The following MYH16 variants were observed in gnomAD, a reference collection of about 807,000 sequenced individuals.
The protein encoded by MYH16 is myosin heavy chain 16, also known as putative uncharacterized protein MYH16.
chr7:99,251,353 T>C (rs1407287820), intron 6 of MYH16, among the ~76,000 whole-genome samples: 1 of 152,168 alleles, frequency 6.6e-6, no homozygotes, highest in Non-Finnish European at 1.5e-5. Context: ...AGAATCAAAT[T>C]GGCAACGAGG....
At chr7:99,255,829 G>A (rs1008641974) in intron 9 of MYH16, 5 of 152,232 alleles carry the variant, frequency 3.3e-5, no homozygotes, top group Non-Finnish European at 5.9e-5. Flanking sequence ...GGAGATTTCT[G>A]GGGTTGCGAT....
chr7:99,299,679 GA>G (rs1792558401), intron 37 of MYH16, 21 bp downstream of exon 18: 1 of 153,276 alleles, frequency 6.5e-6, no homozygotes, highest in Non-Finnish European at 1.5e-5. Context: ...GGGAGGAGGA[GA>G]AATGAGATAC....
chr7:99,296,680 G>T, intron 33 of MYH16, 21 bp from the exon 15 acceptor site: 1 of 454,920 alleles, frequency 2.2e-6, no homozygotes, highest in South Asian at 1.6e-5. Flanking sequence ...ACCCCTAGAG[G>T]CCATTTCCAA....
At chr7:99,264,935 GA>G (rs1483461569) in intron 15 of MYH16, among the ~76,000 whole-genome samples, 1 of 152,198 alleles carries the variant, frequency 6.6e-6, no homozygotes, top group African/African-American at 2.4e-5. Flanking sequence ...CTGCAATGAT[GA>G]AACGTTCTCT....
intron 13 of MYH16, among the ~76,000 whole-genome samples, chr7:99,263,087 C>G (rs1361070846): frequency 1.3e-5 from 2 of 152,048 alleles, no homozygotes; most frequent in African/African-American, 2.4e-5. Flanking sequence ...GTTGGCGTAT[C>G]CTAGATGGGC....
intron 6 of MYH16, chr7:99,251,205 T>G (rs1422030644): frequency 4.9e-6 from 1 of 205,554 alleles, no homozygotes; most frequent in Non-Finnish European, 1.0e-5. Context: ...GGGGACCACA[T>G]GAGAGGCCCC....
chr7:99,284,635 A>G (rs1792251662), intron 25 of MYH16, among the ~76,000 whole-genome samples: 2 of 152,150 alleles, frequency 1.3e-5, no homozygotes, highest in South Asian at 4.1e-4. Context: ...TGAATGGATG[A>G]TGAAACACCT....
chr7:99,296,412 C>T (rs1792492983), intron 33 of MYH16, among the ~76,000 whole-genome samples: 2 of 151,666 alleles, frequency 1.3e-5, no homozygotes, highest in South Asian at 4.2e-4. Flanking sequence ...GCCGCTGTGG[C>T]CCAAACTCCT....
downstream of MYH16, among the ~76,000 whole-genome samples, chr7:99,308,544 G>A (rs1291379252): frequency 6.6e-6 from 1 of 152,100 alleles, no homozygotes; most frequent in African/African-American, 2.4e-5. Flanking sequence ...ATGTGATTCT[G>A]GAGGAGTGGA....
At chr7:99,246,677 G>A (rs1791735492) in intron 2 of MYH16, among the ~76,000 whole-genome samples, 1 of 151,936 alleles carries the variant, frequency 6.6e-6, no homozygotes, top group Non-Finnish European at 1.5e-5. Flanking sequence ...ACTCCAGCCT[G>A]AGTGACAGAG....
intron 20 of MYH16, among the ~76,000 whole-genome samples, chr7:99,274,418 T>C (rs1209477070): frequency 6.6e-6 from 1 of 152,124 alleles, no homozygotes; most frequent in Non-Finnish European, 1.5e-5. Context: ...CCCTGAGTCC[T>C]CCATAGCTCA....
chr7:99,304,403 C>T lies in MYH16; in HGVS notation n.5264-183C>T, dbSNP rs149100312. ...ATGAGCTTGGCTCCCCCTCCCCTCTCGGGGGCAAAGGGGAGCATAGAGCAC... is the reference window on the plus strand; with the variant it reads ...ATGAGCTTGGCTCCCCCTCCCCTCTTGGGGGCAAAGGGGAGCATAGAGCAC... On this transcript the variant is annotated intron_variant and non_coding_transcript_variant, in intron 39 of 41. Transcript: ENST00000439784. Among the ~76,000 whole-genome samples the T allele has an allele frequency of 4.1e-3, 628 of 152,290 alleles. 3 individuals carry two copies. The highest frequency in any genetic ancestry group is 0.014 in the African/African-American group (576 of 41,576).
intron 19 of MYH16, 76 bp from the exon 2 acceptor site, chr7:99,273,266 G>A: frequency 2.2e-6 from 1 of 452,044 alleles, no homozygotes; most frequent in East Asian, 7.0e-5. Context: ...CTATTCCCAG[G>A]CCCCACCCCT....
intron 33 of MYH16, among the ~76,000 whole-genome samples, chr7:99,296,073 GAC>G (rs1278764957): frequency 6.7e-6 from 1 of 149,116 alleles, no homozygotes; most frequent in Non-Finnish European, 1.5e-5. Flanking sequence ...GAACCCAGGA[GAC>G]GGAGGTTGCA....
At chr7:99,287,822 G>T in intron 28 of MYH16, 70 bp from the exon 10 acceptor site, 2 of 423,296 alleles carry the variant, frequency 4.7e-6, no homozygotes, top group African/African-American at 4.1e-5. Flanking sequence ...CCACCGAGCA[G>T]CTGGGCGGTG....
At chr7:99,248,105 A>AT (rs1164585928) in intron 3 of MYH16, among the ~76,000 whole-genome samples, 1 of 151,824 alleles carries the variant, frequency 6.6e-6, no homozygotes, top group Non-Finnish European at 1.5e-5. Flanking sequence ...CCTCTATGTG[A>AT]TTTTTTTCTT....
At chr7:99,273,166 C>T (rs1173610037) in intron 19 of MYH16, among the ~76,000 whole-genome samples, 89 bp downstream of exon 1, 2 of 152,190 alleles carry the variant, frequency 1.3e-5, no homozygotes, top group Admixed American at 6.5e-5. Flanking sequence ...GCTCTGACCC[C>T]AACGTGAGTC....
At chr7:99,270,671 C>T (rs1792036125) in intron 18 of MYH16, among the ~76,000 whole-genome samples, 1 of 151,666 alleles carries the variant, frequency 6.6e-6, no homozygotes, top group Non-Finnish European at 1.5e-5. Context: ...TAATCCCAAG[C>T]ACTTTGGGAG....
At chr7:99,270,809 G>C (rs1481225393) in intron 18 of MYH16, 2 of 152,158 alleles carry the variant, frequency 1.3e-5, no homozygotes. Flanking sequence ...GCTTAAGCTC[G>C]GGAGGTTGAG....
Sources: gnomAD v4.1 joint callset for allele counts (sites outside exome capture counted in the v4.1 genomes callset) on GRCh38, gnomAD v4.1.1 for gene constraint, MANE v1.5 for transcripts, NCBI Gene and HGNC (gene_info 2026-07-23, HGNC 2026-07-21) for gene names.